Variants in STX8 observed in about 807,000 individuals in gnomAD.
STX8 encodes the protein syntaxin 8, also known as syntaxin-8.
A neutral mutation model predicts 37.5 loss-of-function variants in STX8; 23 were observed. That is an observed-to-expected ratio of 0.61 (90% CI 0.44 to 0.87). The LOEUF (loss-of-function observed/expected upper bound fraction) is 0.87, where lower values mean the gene tolerates loss of function less well. Among genes scored for constraint, STX8 ranks in the 40% least tolerant of loss-of-function variants. The pLI, the probability that STX8 is intolerant of heterozygous loss-of-function variation, is 0.00. For synonymous variants in STX8, 115 were observed against 99.1 expected (o/e 1.16, Z -0.95); for missense variants, 313 against 284.7 (o/e 1.10, Z -0.71).
At chr17:9,360,246 T>G (rs1300167007) in intron 7 of STX8, among the ~76,000 whole-genome samples, 8 of 144,722 alleles carry the variant, frequency 5.5e-5, no homozygotes, top group Non-Finnish European at 1.1e-4. Context: ...TTTTTTTTTT[T>G]TTTTTGAGTC....
intron 5 of STX8, among the ~76,000 whole-genome samples, chr17:9,504,830 C>T (rs559935309): frequency 6.1e-4 from 92 of 151,746 alleles, no homozygotes; most frequent in African/African-American, 1.7e-3. Context: ...AAAAATTAGC[C>T]GGGCATGGTG....
At chr17:9,337,825 G>C (rs1910187597) in intron 7 of STX8, among the ~76,000 whole-genome samples, 1 of 152,114 alleles carries the variant, frequency 6.6e-6, no homozygotes, top group Admixed American at 6.6e-5. Flanking sequence ...ATGTGTACAA[G>C]GCCACCAAAA....
chr17:9,527,781 G>GA (rs2142536630), intron 4 of STX8, among the ~76,000 whole-genome samples: 1 of 152,298 alleles, frequency 6.6e-6, no homozygotes, highest in African/African-American at 2.4e-5. Flanking sequence ...TTGCTGAAGG[G>GA]AATGTAAATG....
intron 6 of STX8, among the ~76,000 whole-genome samples, chr17:9,481,386 C>T (rs1013009509): frequency 2.6e-5 from 4 of 152,132 alleles, no homozygotes; most frequent in Admixed American, 1.3e-4. Context: ...TAAAGGACAG[C>T]GGTTTCTAAC....
At chr17:9,393,456 T>A (rs1355037939) in intron 6 of STX8, among the ~76,000 whole-genome samples, 1 of 152,212 alleles carries the variant, frequency 6.6e-6, no homozygotes, top group East Asian at 1.9e-4. Flanking sequence ...CCAGCTGACT[T>A]CTCTGTTTGG....
At chr17:9,546,184 G>T (rs1906499875) in intron 3 of STX8, among the ~76,000 whole-genome samples, 2 of 152,080 alleles carry the variant, frequency 1.3e-5, no homozygotes, top group South Asian at 4.1e-4. Flanking sequence ...TGCATGATTT[G>T]TAAAGAAAAT....
intron 6 of STX8, among the ~76,000 whole-genome samples, chr17:9,413,854 G>A (rs1024381560): frequency 1.4e-5 from 2 of 146,668 alleles, no homozygotes; most frequent in East Asian, 2.1e-4. Flanking sequence ...ATATATGTAC[G>A]TATGTAAGTA....
intron 6 of STX8, among the ~76,000 whole-genome samples, chr17:9,417,888 G>C (rs145641805): frequency 9.9e-5 from 15 of 152,134 alleles, no homozygotes; most frequent in African/African-American, 3.4e-4. Context: ...CACTCCACGG[G>C]GACAGGAGCT....
intron 7 of STX8, among the ~76,000 whole-genome samples, chr17:9,270,467 G>A (rs559337398): frequency 6.6e-6 from 1 of 152,024 alleles, no homozygotes; most frequent in South Asian, 2.1e-4. Context: ...TGTTAGCCAG[G>A]AATGGTCTGA....
intron 7 of STX8, among the ~76,000 whole-genome samples, chr17:9,282,334 G>A (rs756918292): frequency 3.7e-4 from 56 of 152,192 alleles, no homozygotes; most frequent in Non-Finnish European, 5.6e-4. Flanking sequence ...GGGTTTCACC[G>A]TGTTAGCCAG....
chr17:9,265,809 T>G (rs1907212683), intron 7 of STX8, among the ~76,000 whole-genome samples: 1 of 152,100 alleles, frequency 6.6e-6, no homozygotes, highest in Admixed American at 6.5e-5. Context: ...GTGTGTTTGT[T>G]GGGGGCGCTG....
chr17:9,547,773 TTTTCTTTTC>T (rs1426195973), intron 3 of STX8, among the ~76,000 whole-genome samples: 5 of 125,024 alleles, frequency 4.0e-5, no homozygotes, highest in African/African-American at 1.7e-4. Flanking sequence ...TTTCCTTTTC[TTTTCTTTTC>T]TTTTTTTTTT....
At chr17:9,331,503 G>A (rs1277052996) in intron 7 of STX8, among the ~76,000 whole-genome samples, 2 of 152,138 alleles carry the variant, frequency 1.3e-5, no homozygotes, top group Non-Finnish European at 2.9e-5. Flanking sequence ...GTTGCGAGGT[G>A]GCTGCAGTAA....
chr17:9,306,595 C>CAAAAAAAAAAAAAAAAAAA (rs71135963), intron 7 of STX8, among the ~76,000 whole-genome samples: 1 of 69,896 alleles, frequency 1.4e-5, no homozygotes, highest in Non-Finnish European at 3.0e-5. Context: ...ACTAAAAATA[C>CAAAAAAAAAAAAAAAAAAA]AAAAAAAAAA....
chr17:9,553,480 T>C (rs1197931641), intron 3 of STX8: 3 of 152,292 alleles, frequency 2.0e-5, no homozygotes, highest in Admixed American at 6.5e-5. Context: ...AGTTCACAAG[T>C]GTAGAAAGGC....
intron 6 of STX8, among the ~76,000 whole-genome samples, chr17:9,472,395 C>T (rs556959890): frequency 6.6e-6 from 1 of 152,320 alleles, no homozygotes; most frequent in Admixed American, 6.5e-5. Context: ...TAAGCTGAAT[C>T]CTTTGAGTCC....
At chr17:9,563,731 T>G (rs897625147) in intron 2 of STX8, among the ~76,000 whole-genome samples, 2 of 152,198 alleles carry the variant, frequency 1.3e-5, no homozygotes, top group Admixed American at 6.5e-5. Flanking sequence ...TTTACTTATT[T>G]AAAATTAAAT....
At chr17:9,429,563 C>T (rs1187476999) in intron 6 of STX8, among the ~76,000 whole-genome samples, 5 of 138,352 alleles carry the variant, frequency 3.6e-5, no homozygotes, top group African/African-American at 5.3e-5. Context: ...ATTAGCCGGG[C>T]GTGGTGGCGG....
At position 9,352,799 on chromosome 17, in the gene STX8, C is replaced by T. The variant is rs193140481; in HGVS notation, c.643+25753G>A. ...TTTTTTTTAAGTATCACTGTGGATA[C>T]GCAAACTCATGGACTCATGGATGCA... On this transcript the variant is annotated intron_variant, in intron 7 of 7. Coordinates refer to ENST00000306357, the MANE Select transcript of STX8 (RefSeq NM_004853.3). Among the ~76,000 whole-genome samples the T allele has an allele frequency of 5.9e-5, 9 of 152,250 alleles. No homozygotes were observed. In the East Asian group the frequency reaches 7.7e-4, roughly 13 times the overall value.
Sources: gnomAD v4.1 joint callset for allele counts (sites outside exome capture counted in the v4.1 genomes callset) on GRCh38, gnomAD v4.1.1 for gene constraint, MANE v1.5 for transcripts, NCBI Gene and HGNC (gene_info 2026-07-23, HGNC 2026-07-21) for gene names.